The following RTN4 variants were observed in gnomAD, a reference collection of about 807,000 sequenced individuals.
The protein encoded by RTN4 is reticulon-4.
Under a neutral mutation model 90.4 loss-of-function variants are expected in RTN4, and 32 were observed. The observed-to-expected ratio is 0.35, with a 90% CI of 0.27 to 0.48. The LOEUF is 0.48. RTN4 is among the 20% of genes least tolerant of loss of function. The pLI, the probability that RTN4 is intolerant of heterozygous loss-of-function variation, is 0.99. For missense variants in RTN4, 1,706 were observed against 1,430.2 expected, an observed-to-expected ratio of 1.19 and a Z score of -3.11; for synonymous variants, 629 against 552.5, an observed-to-expected ratio of 1.14 and a Z score of -1.94.
intron 1 of RTN4, among the ~76,000 whole-genome samples, chr2:55,034,718 G>A (rs1573440793): frequency 6.6e-6 from 1 of 152,226 alleles, no homozygotes; most frequent in Admixed American, 6.5e-5. Flanking sequence ...TATATATGTA[G>A]ATGTTGAATA....
intron 4 of RTN4, 127 bp downstream of exon 4, chr2:54,987,364 G>C (rs1387030869): frequency 2.1e-5 from 16 of 754,376 alleles, no homozygotes; most frequent in Middle Eastern, 3.8e-4. Context: ...TATAGCTCAA[G>C]CAAATAACTG....
intron 4 of RTN4, among the ~76,000 whole-genome samples, chr2:54,984,929 G>C (rs1678431735): frequency 6.6e-6 from 1 of 152,106 alleles, no homozygotes; most frequent in South Asian, 2.1e-4. Flanking sequence ...GACACAGTGA[G>C]ACCCATCTCT....
intron 3 of RTN4, among the ~76,000 whole-genome samples, chr2:55,001,207 A>C (rs1679830230): frequency 6.6e-6 from 1 of 152,172 alleles, no homozygotes; most frequent in East Asian, 1.9e-4. Context: ...TTATTAAAAA[A>C]CCAATCCTAC....
intron 2 of RTN4, among the ~76,000 whole-genome samples, chr2:55,061,760 G>T (rs979802567): frequency 2.0e-5 from 3 of 152,146 alleles, no homozygotes; most frequent in Admixed American, 2.0e-4. Context: ...GCAGGGAAGT[G>T]CTGGGAGGAG....
intron 1 of RTN4, among the ~76,000 whole-genome samples, chr2:55,087,696 G>GTGAGA (rs1668869113): frequency 6.6e-6 from 1 of 152,022 alleles, no homozygotes; most frequent in East Asian, 1.9e-4. Flanking sequence ...ACTATCTCAA[G>GTGAGA]TGCAACTGCT....
intron 3 of RTN4, among the ~76,000 whole-genome samples, chr2:55,020,968 C>G (rs1244906202): frequency 6.6e-6 from 1 of 152,052 alleles, no homozygotes; most frequent in Non-Finnish European, 1.5e-5. Context: ...TGCACTTCAG[C>G]CTGGGCGACA....
chr2:55,097,249 C>A (rs963908040), intron 1 of RTN4, among the ~76,000 whole-genome samples: 2 of 150,304 alleles, frequency 1.3e-5, no homozygotes, highest in Non-Finnish European at 3.0e-5. Context: ...CTGCAATGAG[C>A]CCTGATTGTG....
At chr2:55,132,746 G>A in the RTN4 span, among the ~76,000 whole-genome samples, 1 of 144,816 alleles carries the variant, frequency 6.9e-6, no homozygotes, top group Non-Finnish European at 1.5e-5. Flanking sequence ...CATGGGAGGT[G>A]GAGGCTACAG....
intron 3 of RTN4, among the ~76,000 whole-genome samples, chr2:55,005,057 C>T (rs1357418567): frequency 6.6e-6 from 1 of 152,078 alleles, no homozygotes; most frequent in Non-Finnish European, 1.5e-5. Context: ...GTTTAGAAAA[C>T]GAGTCCTTCA....
At chr2:55,073,615 G>C (rs1055717743) in intron 2 of RTN4, among the ~76,000 whole-genome samples, 22 of 152,174 alleles carry the variant, frequency 1.4e-4, no homozygotes, top group Non-Finnish European at 3.1e-4. Context: ...CTATGTCAAT[G>C]TGCAAATTTC....
chr2:55,070,545 C>CAAAAAA (rs747838297), intron 2 of RTN4, among the ~76,000 whole-genome samples: 8 of 67,280 alleles, frequency 1.2e-4, no homozygotes, highest in African/African-American at 3.2e-4. Context: ...GACTCTGTCT[C>CAAAAAA]AAAAAAAAAA....
intron 1 of RTN4, among the ~76,000 whole-genome samples, chr2:55,081,781 C>T (rs911599077): frequency 5.4e-5 from 8 of 149,312 alleles, no homozygotes; most frequent in Admixed American, 4.7e-4. Context: ...GAGAATCACT[C>T]GAGCCTGGCA....
chr2:55,067,030 C>T (rs1351954145), intron 2 of RTN4, among the ~76,000 whole-genome samples: 3 of 152,038 alleles, frequency 2.0e-5, no homozygotes, highest in African/African-American at 4.8e-5. Context: ...ATTTAATAAA[C>T]CCTTTAAAAT....
chr2:55,036,408 C>A (rs1682684547), intron 1 of RTN4, among the ~76,000 whole-genome samples: 1 of 151,784 alleles, frequency 6.6e-6, no homozygotes, highest in Non-Finnish European at 1.5e-5. Context: ...TTGAGACCAG[C>A]CTGGCCAACA....
chr2:55,050,240 G>C lies in RTN4; in HGVS notation c.61C>G (p.Pro21Ala). 6.5e-7 allele frequency: 1 copy of C among 1,547,026 alleles called. No individual in the cohort carries two copies. Among genetic ancestry groups the C allele is most frequent in the Non-Finnish European group, 8.7e-7 (1 of 1,148,208 alleles). Residue 21 changes from proline to alanine, a missense_variant, in exon 1 of 9, where the codon CCC becomes GCC. By Grantham distance (27) the Pro-to-Ala change is conservative. Coordinates refer to ENST00000337526, the MANE Select transcript of RTN4 (RefSeq NM_020532.5). This position sits in a 1 kb window ranked among gnomAD's most constrained non-coding sequence, Gnocchi z 4.6. ...SSSDSPPRPQ[P>A]AFKYQFVREP... is the part of the protein sequence containing the mutation. ...CTCACGAACTGGTACTTGAACGCGGGCTGCGGCCGGGGTGGGCTGTCCGAG... is the reference window on the plus strand; with the variant it reads ...CTCACGAACTGGTACTTGAACGCGGCCTGCGGCCGGGGTGGGCTGTCCGAG...
chr2:55,082,818 A>G (rs961543035), intron 1 of RTN4, among the ~76,000 whole-genome samples: 1 of 152,208 alleles, frequency 6.6e-6, no homozygotes, highest in Non-Finnish European at 1.5e-5. Flanking sequence ...CCTATAAAAT[A>G]TAAGTAGTAT....
chr2:55,114,424 C>T (rs751430062), upstream of RTN4, among the ~76,000 whole-genome samples: 14 of 152,152 alleles, frequency 9.2e-5, no homozygotes, highest in African/African-American at 1.4e-4. Flanking sequence ...CCAGGCCGGG[C>T]GTGGTGGCTC....
chr2:55,059,652 G>A (rs1382285171), intron 2 of RTN4, among the ~76,000 whole-genome samples: 2 of 151,920 alleles, frequency 1.3e-5, no homozygotes, highest in African/African-American at 2.4e-5. Flanking sequence ...TGGCCAACAT[G>A]GTGAAACCCT....
chr2:54,976,140 T>G (rs1677614293), intron 5 of RTN4, among the ~76,000 whole-genome samples: 1 of 152,174 alleles, frequency 6.6e-6, no homozygotes, highest in Admixed American at 6.5e-5. Context: ...CCTTCCATAT[T>G]TTAGAAGAAA....
Sources: allele counts gnomAD v4.1 joint callset (sites outside exome capture counted in the v4.1 genomes callset), GRCh38; gene constraint gnomAD v4.1.1; non-coding constraint Gnocchi (gnomAD v3.1); transcripts MANE v1.5; gene names NCBI Gene and HGNC (gene_info 2026-07-23, HGNC 2026-07-21).